Variants in FSTL5 observed in about 807,000 individuals in gnomAD.
The protein encoded by FSTL5 is follistatin-related protein 5.
In FSTL5, 62 loss-of-function variants were observed where a neutral mutation model predicts 89.1. The ratio of observed to expected loss-of-function variants is 0.70; its 90% CI spans 0.57 to 0.86. The LOEUF is 0.86. FSTL5 is among the 40% of genes least tolerant of loss of function. The probability of loss-of-function intolerance (pLI) is 0.00; values close to 1 mark genes in which losing one functional copy is unlikely to be tolerated. For synonymous variants in FSTL5, 383 were observed against 346.2 expected, an observed-to-expected ratio of 1.11 and a Z score of -1.18; for missense variants, 1,057 against 1,001.6, an observed-to-expected ratio of 1.06 and a Z score of -0.75.
intron 7 of FSTL5, among the ~76,000 whole-genome samples, chr4:161,623,168 T>C (rs1374342929): frequency 6.6e-6 from 1 of 152,102 alleles, no homozygotes; most frequent in East Asian, 1.9e-4. Context: ...GTATACATCA[T>C]ACTTCAGAGA....
chr4:161,512,988 C>T (rs1037410595), intron 10 of FSTL5, among the ~76,000 whole-genome samples: 3 of 151,788 alleles, frequency 2.0e-5, no homozygotes, highest in African/African-American at 4.8e-5. Flanking sequence ...AGGGTGGCCA[C>T]GAAGTAAACT....
intron 11 of FSTL5, 32 bp downstream of exon 11, chr4:161,510,366 T>A: frequency 7.1e-7 from 1 of 1,401,296 alleles, no homozygotes; most frequent in Non-Finnish European, 9.8e-7. Flanking sequence ...CAAGCAAAAT[T>A]GTCACAACAT....
chr4:161,716,183 CT>C (rs1156600170), intron 6 of FSTL5, among the ~76,000 whole-genome samples: 4 of 152,164 alleles, frequency 2.6e-5, no homozygotes, highest in Non-Finnish European at 5.9e-5. Context: ...TTGTTCTTCT[CT>C]TTATCTGATA....
intron 4 of FSTL5, among the ~76,000 whole-genome samples, chr4:161,879,516 T>G (rs909493858): frequency 6.6e-6 from 1 of 152,212 alleles, no homozygotes. Flanking sequence ...TACCAAAGTA[T>G]GCAAATCTCC....
chr4:162,093,317 T>G (rs1000224619), intron 2 of FSTL5, among the ~76,000 whole-genome samples: 1 of 152,174 alleles, frequency 6.6e-6, no homozygotes, highest in African/African-American at 2.4e-5. Context: ...CTCTGGAAAA[T>G]TTTAACTAAC....
intron 4 of FSTL5, among the ~76,000 whole-genome samples, chr4:161,844,891 C>T (rs1355336628): frequency 1.3e-5 from 2 of 151,886 alleles, no homozygotes; most frequent in African/African-American, 4.8e-5. Flanking sequence ...TGTAACAAAC[C>T]TGCAGGTTCT....
intron 10 of FSTL5, among the ~76,000 whole-genome samples, chr4:161,533,628 C>G (rs1199948092): frequency 6.6e-6 from 1 of 151,970 alleles, no homozygotes; most frequent in Non-Finnish European, 1.5e-5. Context: ...AATGAACAGC[C>G]AAATTCTACC....
At chr4:161,566,355 A>G (rs1732817391) in intron 8 of FSTL5, among the ~76,000 whole-genome samples, 1 of 151,872 alleles carries the variant, frequency 6.6e-6, no homozygotes, top group Non-Finnish European at 1.5e-5. Context: ...TCCAATACAC[A>G]GTTGATGGGC....
chr4:161,431,255 C>T (rs1428028660), intron 15 of FSTL5, among the ~76,000 whole-genome samples: 2 of 151,946 alleles, frequency 1.3e-5, no homozygotes, highest in African/African-American at 4.8e-5. Flanking sequence ...CTTTTCAAGA[C>T]ATAGTACAAT....
At chr4:161,671,419 A>G (rs1737107959) in intron 6 of FSTL5, among the ~76,000 whole-genome samples, 1 of 152,160 alleles carries the variant, frequency 6.6e-6, no homozygotes, top group Non-Finnish European at 1.5e-5. Context: ...TCAGCTCTAT[A>G]TATGCGGAGC....
intron 2 of FSTL5, among the ~76,000 whole-genome samples, chr4:162,088,748 A>C (rs2111351421): frequency 6.6e-6 from 1 of 152,248 alleles, no homozygotes; most frequent in Middle Eastern, 3.4e-3. Context: ...AAACTGAAAC[A>C]TTTTGTCTTA....
chr4:162,097,269 A>T (rs947939459), intron 2 of FSTL5, among the ~76,000 whole-genome samples: 3 of 150,378 alleles, frequency 2.0e-5, no homozygotes, highest in Non-Finnish European at 3.0e-5. Context: ...AGGAATTTCC[A>T]TTTTTTTTTA....
chr4:161,898,630 CTTT>C (rs773799106), intron 4 of FSTL5, among the ~76,000 whole-genome samples: 6 of 128,256 alleles, frequency 4.7e-5, no homozygotes, highest in Admixed American at 8.2e-5. Flanking sequence ...GTATTATATT[CTTT>C]TTTTTTTTTT....
At chr4:161,944,628 CTATA>C (rs919723133) in intron 3 of FSTL5, among the ~76,000 whole-genome samples, 1 of 151,522 alleles carries the variant, frequency 6.6e-6, no homozygotes, top group South Asian at 2.1e-4. Context: ...TAAAAAGTTG[CTATA>C]TATATGTATA....
intron 3 of FSTL5, among the ~76,000 whole-genome samples, chr4:162,001,057 C>G (rs1736449003): frequency 6.6e-6 from 1 of 152,092 alleles, no homozygotes; most frequent in African/African-American, 2.4e-5. Context: ...CTAAGTGGAC[C>G]AGCACAAACA....
intron 15 of FSTL5, chr4:161,387,122 T>G (rs1471743402): frequency 6.6e-6 from 1 of 152,124 alleles, no homozygotes; most frequent in East Asian, 1.9e-4. Flanking sequence ...AAATATTGCT[T>G]GAGAATTATC....
At chr4:161,652,720 A>G (rs1418596311) in intron 7 of FSTL5, among the ~76,000 whole-genome samples, 1 of 152,112 alleles carries the variant, frequency 6.6e-6, no homozygotes, top group African/African-American at 2.4e-5. Context: ...TTATGTTTTT[A>G]AAATACATCT....
At chr4:161,492,635 A>G (rs1729921405) in intron 12 of FSTL5, among the ~76,000 whole-genome samples, 2 of 152,260 alleles carry the variant, frequency 1.3e-5, no homozygotes, top group East Asian at 1.9e-4. Context: ...TTTGCCAAAC[A>G]ACCCATCATA....
intron 3 of FSTL5, among the ~76,000 whole-genome samples, chr4:161,956,614 A>G (rs1735032749): frequency 6.6e-6 from 1 of 152,018 alleles, no homozygotes; most frequent in Non-Finnish European, 1.5e-5. Flanking sequence ...AAAACAGTAT[A>G]TAAATGATTT....
Sources: gnomAD v4.1 joint callset for allele counts (sites outside exome capture counted in the v4.1 genomes callset) on GRCh38, gnomAD v4.1.1 for gene constraint, MANE v1.5 for transcripts, NCBI Gene and HGNC (gene_info 2026-07-23, HGNC 2026-07-21) for gene names.